NEK4: variants seen among roughly 807,000 people sequenced by gnomAD.
The protein encoded by NEK4 is serine/threonine-protein kinase Nek4.
NEK4 carries 86 observed loss-of-function variants against 98.4 expected under a neutral mutation model. That is an observed-to-expected ratio of 0.87 (90% CI 0.73 to 1.05). The LOEUF is 1.05. Among genes scored for constraint, NEK4 ranks in the 50% least tolerant of loss-of-function variants. The probability of loss-of-function intolerance (pLI) is 0.00; values close to 1 mark genes in which losing one functional copy is unlikely to be tolerated. For synonymous variants in NEK4, 328 were observed against 342.2 expected, an observed-to-expected ratio of 0.96 and a Z score of 0.46; for missense variants, 898 against 950.3, an observed-to-expected ratio of 0.94 and a Z score of 0.72.
chr3:52,713,193 T>C (rs898555325), intron 15 of NEK4, among the ~76,000 whole-genome samples: 155 of 152,340 alleles, frequency 1.0e-3, no homozygotes, highest in African/African-American at 3.6e-3. Context: ...ACACCTAGTA[T>C]GTTAAACAGA....
intron 15 of NEK4, among the ~76,000 whole-genome samples, chr3:52,724,162 G>A (rs1177935704): frequency 6.6e-6 from 1 of 151,902 alleles, no homozygotes; most frequent in Non-Finnish European, 1.5e-5. Context: ...GAACCCGGGA[G>A]ACAGAGGTTG....
chr3:52,751,212 T>C (rs2097404330), intron 7 of NEK4, among the ~76,000 whole-genome samples: 1 of 151,958 alleles, frequency 6.6e-6, no homozygotes, highest in African/African-American at 2.4e-5. Context: ...TCCCAGCACT[T>C]TGGGAGGCCA....
Position 52,746,756 on chromosome 3 carries a change from T to C in NEK4, c.1655A>G (p.Gln552Arg), listed in dbSNP as rs759535945. 6.2e-7 allele frequency: 1 copy of C among 1,613,676 alleles called. No individual in the cohort carries two copies. Among genetic ancestry groups the C allele is most frequent in the Non-Finnish European group, 8.5e-7 (1 of 1,179,804 alleles). ...EQTEHRGEKRQVRRDLFAFQE... is the reference protein window; with the variant it reads ...EQTEHRGEKRRVRRDLFAFQE... Reference sequence around the variant, plus strand: ...TACAGCAAAGAGATCTCTGCGGACCTGTCTCTTTTCCCCTCTGTGCTCAGT... The same window carrying C: ...TACAGCAAAGAGATCTCTGCGGACCCGTCTCTTTTCCCCTCTGTGCTCAGT... Residue 552 changes from glutamine (Q) to arginine (R), a missense_variant, in exon 9 of 16, where the codon CAG becomes CGG. Coordinates refer to ENST00000233027, the MANE Select transcript of NEK4 (RefSeq NM_003157.6).
intron 10 of NEK4, 91 bp from the exon 11 acceptor site, chr3:52,744,396 A>C: frequency 9.5e-7 from 1 of 1,054,808 alleles, no homozygotes; most frequent in African/African-American, 1.6e-5. Flanking sequence ...CATTAAGAAA[A>C]AGGTCTGAGC....
intron 15 of NEK4, among the ~76,000 whole-genome samples, chr3:52,712,264 A>G (rs143305819): frequency 1.1e-4 from 16 of 152,264 alleles, no homozygotes; most frequent in Non-Finnish European, 2.1e-4. Context: ...CATATAAATA[A>G]CCATTTAGTG....
At chr3:52,770,038 G>A (rs943731576) in intron 1 of NEK4, among the ~76,000 whole-genome samples, 5 of 152,092 alleles carry the variant, frequency 3.3e-5, no homozygotes, top group African/African-American at 9.7e-5. Flanking sequence ...ATGAGAGGAG[G>A]CCTATTGTCT....
At chr3:52,746,351 CAA>C in intron 9 of NEK4, 141 bp from the exon 10 acceptor site, 2 of 749,692 alleles carry the variant, frequency 2.7e-6, no homozygotes, top group Non-Finnish European at 4.3e-6. Flanking sequence ...AAGACTCTGC[CAA>C]AAGTCAGTCA....
intron 1 of NEK4, 52 bp downstream of exon 1, chr3:52,770,602 T>C: frequency 1.4e-6 from 2 of 1,405,206 alleles, no homozygotes; most frequent in Non-Finnish European, 1.9e-6. Flanking sequence ...GTCGGCGCCC[T>C]CGGCGCACTT....
intron 15 of NEK4, among the ~76,000 whole-genome samples, chr3:52,729,571 G>A (rs1230532396): frequency 6.6e-6 from 1 of 151,956 alleles, no homozygotes; most frequent in African/African-American, 2.4e-5. Flanking sequence ...AGCCAGGCAT[G>A]ATGGCAGTTG....
chr3:52,761,416 C>T (rs1180476352), intron 5 of NEK4, among the ~76,000 whole-genome samples: 2 of 152,020 alleles, frequency 1.3e-5, no homozygotes, highest in African/African-American at 4.8e-5. Flanking sequence ...GTAGCTGGGA[C>T]TACAGGTGCA....
intron 6 of NEK4, among the ~76,000 whole-genome samples, chr3:52,759,492 A>G (rs1698269767): frequency 6.6e-6 from 1 of 152,234 alleles, no homozygotes; most frequent in Admixed American, 6.5e-5. Context: ...GTATGTCATT[A>G]ATCGTTAGGG....
intron 15 of NEK4, among the ~76,000 whole-genome samples, chr3:52,719,540 G>A (rs894527393): frequency 6.8e-6 from 1 of 147,404 alleles, no homozygotes; most frequent in Non-Finnish European, 1.5e-5. Flanking sequence ...CGAAGATCAC[G>A]CCACTGCACT....
chr3:52,721,126 A>T (rs1215697975), intron 15 of NEK4, among the ~76,000 whole-genome samples: 1 of 152,242 alleles, frequency 6.6e-6, no homozygotes, highest in Non-Finnish European at 1.5e-5. Context: ...CTCTGCACCC[A>T]GTGGAGACAG....
chr3:52,765,735 T>C (rs369760974), intron 4 of NEK4, 152 bp downstream of exon 4: 2 of 575,772 alleles, frequency 3.5e-6, no homozygotes, highest in Non-Finnish European at 6.3e-6. Flanking sequence ...TAGTCTGACC[T>C]TCCCCACAGA....
chr3:52,765,910 C>G lies in NEK4; in HGVS notation c.643G>C (p.Val215Leu). Residue 215 changes from valine to leucine, a missense_variant, in exon 4 of 16, where the codon GTT becomes CTT. Physicochemically the swap from Val to Leu is conservative, Grantham distance 32. Transcript: ENST00000233027. ...AFNAKDMNSL[V>L]YRIIEGKLPP... The stretch of plus-strand genomic sequence containing the variant: ...ACCTTTCCTTCAATAATCCGATAAA[C>G]TAAAGAATTCATATCTTTTGCATTG... The G allele has an allele frequency of 6.2e-7, 1 of 1,606,180 alleles. No homozygotes were observed. Among genetic ancestry groups the G allele is most frequent in the Non-Finnish European group, 8.5e-7 (1 of 1,172,908 alleles).
intron 10 of NEK4, among the ~76,000 whole-genome samples, 177 bp downstream of exon 10, chr3:52,745,884 C>A (rs968227800): frequency 6.6e-6 from 1 of 152,058 alleles, no homozygotes; most frequent in African/African-American, 2.4e-5. Context: ...CACCACATTT[C>A]GCTAATTTTT....
At chr3:52,762,148 C>T (rs914875441) in intron 5 of NEK4, among the ~76,000 whole-genome samples, 41 of 152,200 alleles carry the variant, frequency 2.7e-4, no homozygotes, top group African/African-American at 9.2e-4. Flanking sequence ...TTGTCCAGCC[C>T]TAAGTCTTAG....
At chr3:52,744,728 C>A in intron 10 of NEK4, among the ~76,000 whole-genome samples, 1 of 144,144 alleles carries the variant, frequency 6.9e-6, no homozygotes, top group Non-Finnish European at 1.5e-5. Context: ...GCCTGGGTGA[C>A]ACAGCAAGAC....
chr3:52,731,992 C>T (rs900080406), intron 15 of NEK4, among the ~76,000 whole-genome samples: 2 of 152,214 alleles, frequency 1.3e-5, no homozygotes, highest in Non-Finnish European at 2.9e-5. Context: ...CCTGCTGCCA[C>T]GTAAGACGTG....
Sources: gnomAD v4.1 joint callset for allele counts (sites outside exome capture counted in the v4.1 genomes callset) on GRCh38, gnomAD v4.1.1 for gene constraint, MANE v1.5 for transcripts, NCBI Gene and HGNC (gene_info 2026-07-23, HGNC 2026-07-21) for gene names.